Variants in RASAL3 observed in about 807,000 individuals in gnomAD.
RASAL3 encodes RAS protein activator like-3.
Under a neutral mutation model 105.5 loss-of-function variants are expected in RASAL3, and 74 were observed. The ratio of observed to expected loss-of-function variants is 0.70; its 90% CI spans 0.58 to 0.85. The LOEUF is 0.85. RASAL3 is among the 40% of genes least tolerant of loss of function. The pLI is 0.00. For missense variants in RASAL3, 1,352 were observed against 1,392.0 expected, an observed-to-expected ratio of 0.97 and a Z score of 0.46; for synonymous variants, 579 against 591.6, an observed-to-expected ratio of 0.98 and a Z score of 0.31.
At chr19:15,455,960 A>G (rs993593420) in intron 11 of RASAL3, 144 bp downstream of exon 11, 5 of 967,794 alleles carry the variant, frequency 5.2e-6, no homozygotes, top group Non-Finnish European at 7.5e-6. Flanking sequence ...TCAAATGAGT[A>G]ATTTTTTAGT....
rs1032755329 is a variant in RASAL3, at chr19:15,454,375, C to A, written c.2146G>T (p.Ala716Ser). The A allele has an allele frequency of 8.1e-6, 13 of 1,612,166 alleles. No individual in the cohort carries two copies. Among genetic ancestry groups the A allele is most frequent in the Non-Finnish European group, 1.1e-5 (13 of 1,179,056 alleles). The change falls in exon 13 of 18, where the codon GCT becomes TCT. Residue 716 changes from alanine to serine, a missense_variant. Physicochemically the swap from Ala to Ser is moderately conservative, Grantham distance 99 (BLOSUM62 1). Coordinates refer to ENST00000343625, the MANE Select transcript of RASAL3 (RefSeq NM_022904.3). ...VLHAQLCTIF[A>S]ELDQTTRDTL... ...TCAGGCCATACCTGGTCAAGCTCAG[C>A]AAAAATTGTACAGAGCTGGGCATGC...
chr19:15,464,469 G>T, intron 1 of RASAL3, 36 bp downstream of exon 1: 1 of 1,084,822 alleles, frequency 9.2e-7, no homozygotes, highest in Non-Finnish European at 1.3e-6. Flanking sequence ...CTGCCTCCAG[G>T]AATCCCCCTG....
At chr19:15,454,983 A>C (rs529231170) in intron 11 of RASAL3, 90 bp from the exon 12 acceptor site, 3 of 959,528 alleles carry the variant, frequency 3.1e-6, no homozygotes, top group South Asian at 1.6e-5. Context: ...GAAGCACTGC[A>C]TGATTGGTCC....
Position 15,457,620 on chromosome 19 carries a change from A to G in RASAL3, c.1103T>C (p.Leu368Pro). Reference protein sequence around the residue: ...EALPPARRLSLRLRGLGPGSA... With the variant: ...EALPPARRLSPRLRGLGPGSA... The stretch of plus-strand genomic sequence containing the variant: ...TCCCGGGCCCAAGCCGCGCAGCCGC[A>G]GCGACAGGCGACGTGCCGGTGGCAG... The change falls in exon 9 of 18, where the codon CTG (leucine) becomes CCG (proline). Residue 368 changes from leucine (L) to proline (P), a missense_variant. This residue lies in a region of RASAL3 where 920 missense variants were observed against 919.6 expected (regional missense o/e 1.00). Coordinates refer to ENST00000343625, the MANE Select transcript of RASAL3 (RefSeq NM_022904.3). The surrounding 1 kb of genome is among the most constrained non-coding windows in gnomAD (Gnocchi z 8.6). 1.4e-6 allele frequency: 2 copies of G among 1,387,442 alleles called. No individual in the cohort carries two copies. Among genetic ancestry groups the G allele is most frequent in the Middle Eastern group, 2.7e-4 (1 of 3,712 alleles). 85.9% of individuals were successfully genotyped at this position (1,387,442 alleles called of 1,614,324 possible).
intron 14 of RASAL3, 106 bp downstream of exon 14, chr19:15,454,042 TG>T: frequency 1.3e-6 from 1 of 790,418 alleles, no homozygotes; most frequent in Non-Finnish European, 2.0e-6. Context: ...CGTCTGACCC[TG>T]GGCTTGACCT....
At chr19:15,461,338 G>C (rs892341536) in intron 3 of RASAL3, 42 bp from the exon 4 acceptor site, 2 of 1,570,306 alleles carry the variant, frequency 1.3e-6, no homozygotes, top group Non-Finnish European at 1.7e-6. Context: ...GGGGAGGCAG[G>C]CAGGCAGGCA....
rs1192087566 is a variant in RASAL3 at position 15,457,855 on chromosome 19, G to C, written c.889-21C>G. The C allele has an allele frequency of 1.9e-6, 3 of 1,546,654 alleles. No individual in the cohort carries two copies. The highest frequency in any genetic ancestry group is 2.4e-5 in the South Asian group (2 of 83,738). On this transcript the variant is annotated intron_variant, in intron 8 of 17. Coordinates refer to ENST00000343625, the MANE Select transcript of RASAL3 (RefSeq NM_022904.3). The surrounding 1 kb of genome is among the most constrained non-coding windows in gnomAD (Gnocchi z 8.6). ...TTGTCCTGCAGATGGGAGTGGGATGGGGGGAAGCGTTTTGGTTTGTTGGCA... is the reference window on the plus strand; with the variant it reads ...TTGTCCTGCAGATGGGAGTGGGATGCGGGGAAGCGTTTTGGTTTGTTGGCA...
rs1409416497 is a variant in RASAL3 at position 15,454,163 on chromosome 19, G to C, written c.2265C>G (p.Ala755=). The change falls in exon 14 of 18, where the codon GCC becomes GCG. Residue 755 remains alanine (A), a synonymous_variant. Transcript: ENST00000343625. The stretch of plus-strand genomic sequence containing the variant: ...CTTGAGGTTACCTGGAGTGGACCTG[G>C]GCCGGGGGCAGTGGGAGACGCATTG... ...SVPMRLPLPP[A]QVHSSLSAGE... The C allele has an allele frequency of 9.6e-6, 15 of 1,563,062 alleles. No individual in the cohort carries two copies. The East Asian group carries it at 3.3e-4, about 35-fold the overall frequency.
At position 15,458,578 on chromosome 19, in the gene RASAL3, C is replaced by T. The variant is rs199581398; in HGVS notation, c.740G>A (p.Arg247Gln). ...ELDLGAERDVRIWPLHPSLLG... is the reference protein window; with the variant it reads ...ELDLGAERDVQIWPLHPSLLG... ...GAGGCTGGGGTGCAGTGGCCAGATC[C>T]GCACATCCCGCTCGGCACCCAGGTC... The change falls in exon 7 of 18, where the codon CGG becomes CAG. Residue 247 changes from arginine to glutamine, a missense_variant. Coordinates refer to ENST00000343625, the MANE Select transcript of RASAL3 (RefSeq NM_022904.3). 9.5e-5 allele frequency: 153 copies of T among 1,613,568 alleles called. No homozygotes were observed. The African/African-American group carries it at 1.7e-3, about 18-fold the overall frequency.
Position 15,457,793 on chromosome 19 carries a change from C to T in RASAL3, c.930G>A (p.Val310=). The T allele has an allele frequency of 6.5e-7, 1 of 1,548,526 alleles. No homozygotes were observed. Among genetic ancestry groups the T allele is most frequent in the East Asian group, 2.4e-5 (1 of 40,902 alleles). The change falls in exon 9 of 18, where the codon GTG becomes GTA. Residue 310 remains valine, a synonymous_variant. Coordinates refer to ENST00000343625, the MANE Select transcript of RASAL3 (RefSeq NM_022904.3). The surrounding 1 kb of genome is among the most constrained non-coding windows in gnomAD (Gnocchi z 8.6). ...CTCGGGGAAGCCCCTTCGCTTCGTG[C>T]ACCCACACGCTCAGCCATGTCTCTT... ...EREETWLSVW[V]HEAKGLPRAA...
chr19:15,462,682 G>A (rs1970547278), intron 2 of RASAL3, among the ~76,000 whole-genome samples: 2 of 152,168 alleles, frequency 1.3e-5, no homozygotes, highest in Non-Finnish European at 2.9e-5. Flanking sequence ...GCCGGGCGCG[G>A]TGGCTCACGC....
chr19:15,456,037 TA>T lies in RASAL3; in HGVS notation c.1721+66del. On this transcript the variant is annotated intron_variant, in intron 11 of 17. Coordinates refer to ENST00000343625, the MANE Select transcript of RASAL3 (RefSeq NM_022904.3). This position sits in a 1 kb window ranked among gnomAD's most constrained non-coding sequence, Gnocchi z 4.4. ...TCTCCTGTATTTTATCTGGCCACCC[TA>T]AACTGGAGGTCGGGGCTAGCATGGT... 1 of 1,558,990 alleles carries T rather than the reference TA, an allele frequency of 6.4e-7. No individual in the cohort carries two copies. The highest frequency in any genetic ancestry group is 1.4e-5 in the African/African-American group (1 of 73,982).
At chr19:15,455,112 A>G (rs1360632877) in intron 11 of RASAL3, among the ~76,000 whole-genome samples, 1 of 152,170 alleles carries the variant, frequency 6.6e-6, no homozygotes, top group Non-Finnish European at 1.5e-5. Context: ...ATGAATCAGC[A>G]TGGGGCCATG....
Position 15,452,829 on chromosome 19 carries a change from G to A in RASAL3, c.2671-14C>T, listed in dbSNP as rs1396365311. ...CAGCTCTGCCAACTGTGGTGGGAGA[G>A]CAGCTGTAATCTGACCCGTTGTCCC... On this transcript the variant is annotated splice_polypyrimidine_tract_variant and intron_variant, in intron 15 of 17. Coordinates refer to ENST00000343625, the MANE Select transcript of RASAL3 (RefSeq NM_022904.3). The A allele has an allele frequency of 6.5e-7, 1 of 1,538,774 alleles. No individual in the cohort carries two copies. The highest frequency in any genetic ancestry group is 8.8e-7 in the Non-Finnish European group (1 of 1,139,452).
Position 15,461,050 on chromosome 19 carries a change from G to T in RASAL3, c.606+10C>A. The T allele has an allele frequency of 6.2e-7, 1 of 1,613,350 alleles. No homozygotes were observed. The highest frequency in any genetic ancestry group is 8.5e-7 in the Non-Finnish European group (1 of 1,179,480). On this transcript the variant is annotated intron_variant, in intron 5 of 17. Transcript: ENST00000343625. Reference sequence around the variant, plus strand: ...TCCCCTCTACCTCCCACCTTCACTGGCTGCCTTACCCGAACGTTGTGGACC... The same window carrying T: ...TCCCCTCTACCTCCCACCTTCACTGTCTGCCTTACCCGAACGTTGTGGACC...
In RASAL3 at chr19:15,452,718, G is replaced by A; in HGVS notation, c.2768C>T (p.Thr923Met). 6.4e-7 allele frequency: 1 copy of A among 1,555,054 alleles called. No individual in the cohort carries two copies. The highest frequency in any genetic ancestry group is 8.7e-7 in the Non-Finnish European group (1 of 1,149,114). ...ESLSTQIRALTEQQEQLRGQL... is the reference protein window; with the variant it reads ...ESLSTQIRALMEQQEQLRGQL... ...GCCCCGCAGCTGCTCCTGCTGCTCC[G>A]TCAAGGCCCGGATTTGGGTGCTCAG... The change falls in exon 16 of 18, where the codon ACG becomes ATG. Residue 923 changes from threonine to methionine, a missense_variant. Coordinates refer to ENST00000343625, the MANE Select transcript of RASAL3 (RefSeq NM_022904.3).
rs752292289 is a variant in RASAL3 at position 15,453,170 on chromosome 19, C to A, written c.2607G>T (p.Gln869His). ...GGTCTTGCGGCTGGTCCATTTGGCGCTGCCAGGGTACCGACGGCTTCCGAG... is the reference window on the plus strand; with the variant it reads ...GGTCTTGCGGCTGGTCCATTTGGCGATGCCAGGGTACCGACGGCTTCCGAG... ...SLPRKPSVPW[Q>H]RQMDQPQDRN... is the part of the protein sequence containing the mutation. The change falls in exon 15 of 18, where the codon CAG (glutamine) becomes CAT (histidine). Residue 869 changes from glutamine (Q) to histidine (H), a missense_variant. This residue lies in a region of RASAL3 where 920 missense variants were observed against 919.6 expected (regional missense o/e 1.00). Transcript: ENST00000343625. The surrounding 1 kb of genome is among the most constrained non-coding windows in gnomAD (Gnocchi z 4.2). The A allele has an allele frequency of 6.2e-7, 1 of 1,613,368 alleles. No homozygotes were observed. Among genetic ancestry groups the A allele is most frequent in the Non-Finnish European group, 8.5e-7 (1 of 1,179,638 alleles).
At position 15,458,594 on chromosome 19, in the gene RASAL3, C is replaced by A. The variant is rs772421463; in HGVS notation, c.724G>T (p.Ala242Ser). ...GGCCAGATCCGCACATCCCGCTCGG[C>A]ACCCAGGTCCAGTTCAGAGAGTGTG... is the stretch of plus-strand genomic sequence containing the variant. ...LATLSELDLG[A>S]ERDVRIWPLH... The change falls in exon 7 of 18, where the codon GCC becomes TCC. Residue 242 changes from alanine to serine, a missense_variant. By Grantham distance (99) the Ala-to-Ser change is moderately conservative (BLOSUM62 1). This residue lies in a region of RASAL3 where 344 missense variants were observed against 339.6 expected (regional missense o/e 1.01). Coordinates refer to ENST00000343625, the MANE Select transcript of RASAL3 (RefSeq NM_022904.3). 1.9e-6 allele frequency: 3 copies of A among 1,613,466 alleles called. No homozygotes were observed. The highest frequency in any genetic ancestry group is 1.7e-5 in the Admixed American group (1 of 59,936).
rs1200222673 is a variant in RASAL3, at chr19:15,451,816, G to T, written c.3015C>A (p.Cys1005Ter). The change falls in exon 18 of 18, where the codon TGC (cysteine) becomes TGA (stop). Residue 1005 changes from cysteine to a stop codon, truncating the protein, a stop_gained. Coordinates refer to ENST00000343625, the MANE Select transcript of RASAL3 (RefSeq NM_022904.3). LOFTEE classifies it high-confidence loss of function. ...WSQPQPLKAPCLNGDTT is the reference protein window; with the variant it reads ...WSQPQPLKAP ...CAGCTCAGGTGGTGTCTCCATTGAG[G>T]CAGGGTGCTTTGAGGGGCTGGGGTT... 1 of 1,600,826 alleles carries T rather than the reference G, an allele frequency of 6.2e-7. No homozygotes were observed. The highest frequency in any genetic ancestry group is 8.5e-7 in the Non-Finnish European group (1 of 1,170,348).
Sources: allele counts gnomAD v4.1 joint callset (sites outside exome capture counted in the v4.1 genomes callset), GRCh38; gene constraint gnomAD v4.1.1; regional missense constraint gnomAD v4.1.1; non-coding constraint Gnocchi (gnomAD v3.1); transcripts MANE v1.5; gene names NCBI Gene and HGNC (gene_info 2026-07-23, HGNC 2026-07-21).